PCM1: variants seen among roughly 807,000 people sequenced by gnomAD.
PCM1 encodes pericentriolar material 1 protein.
Under a neutral mutation model 241.9 loss-of-function variants are expected in PCM1, and 157 were observed. The ratio of observed to expected loss-of-function variants is 0.65; its 90% CI spans 0.57 to 0.74. The LOEUF (loss-of-function observed/expected upper bound fraction) is 0.74. Among genes scored for constraint, PCM1 ranks in the 30% least tolerant of loss-of-function variants. PCM1 has a pLI of 0.00. For missense variants in PCM1, 3,478 were observed against 2,360.1 expected (o/e 1.47, Z -9.81); for synonymous variants, 1,085 against 784.9 (o/e 1.38, Z -6.39).
Position 17,950,596 on chromosome 8 carries a change from GT to G in PCM1, c.962-17del. Reference sequence around the variant, plus strand: ...GTTTGATTATTTACATTAATCAGTAGTTACTAATTTCTTTCCAGTTGTTGCA... The same window carrying G: ...GTTTGATTATTTACATTAATCAGTAGTACTAATTTCTTTCCAGTTGTTGCA... On this transcript the variant is annotated intron_variant, in intron 7 of 38. Coordinates refer to ENST00000325083, the MANE Select transcript of PCM1 (RefSeq NM_006197.4). The G allele has an allele frequency of 8.3e-7, 1 of 1,208,706 alleles. No homozygotes were observed. The highest frequency in any genetic ancestry group is 1.2e-6 in the Non-Finnish European group (1 of 822,176). The allele number at this position is 1,208,706 out of a possible 1,614,324, so 74.9% of individuals were successfully genotyped here.
intron 9 of PCM1, among the ~76,000 whole-genome samples, chr8:17,954,792 T>TAACAGA (rs1242984605): frequency 1.3e-5 from 2 of 152,224 alleles, no homozygotes; most frequent in African/African-American, 4.8e-5. Context: ...TATTTGATAG[T>TAACAGA]AACAGAAGTT....
intron 23 of PCM1, among the ~76,000 whole-genome samples, chr8:17,979,740 C>G (rs2080046466): frequency 6.6e-6 from 1 of 151,970 alleles, no homozygotes; most frequent in Admixed American, 6.6e-5. Flanking sequence ...TTAATACATA[C>G]TTTTAATTTG....
intron 36 of PCM1, among the ~76,000 whole-genome samples, chr8:18,016,090 G>C (rs548891732): frequency 6.6e-6 from 1 of 152,036 alleles, no homozygotes; most frequent in Non-Finnish European, 1.5e-5. Context: ...GGGTTTCACC[G>C]TGTTAGCCAG....
intron 22 of PCM1, among the ~76,000 whole-genome samples, chr8:17,971,009 TAGCCATTC>T (rs2076664717): frequency 6.6e-6 from 1 of 152,216 alleles, no homozygotes; most frequent in South Asian, 2.1e-4. Context: ...GTGTTTATCA[TAGCCATTC>T]ATCTGTGACA....
chr8:18,017,568 G>A (rs1278901272), intron 36 of PCM1, among the ~76,000 whole-genome samples: 3 of 152,170 alleles, frequency 2.0e-5, no homozygotes, highest in Admixed American at 6.5e-5. Flanking sequence ...AGTTCCCAAG[G>A]CTGGGCCAGG....
At chr8:18,023,851 G>A (rs1449132784) in intron 36 of PCM1, among the ~76,000 whole-genome samples, 1 of 152,210 alleles carries the variant, frequency 6.6e-6, no homozygotes, top group Non-Finnish European at 1.5e-5. Flanking sequence ...GATGGAGGGT[G>A]CATGACTGAA....
chr8:17,991,481 G>A (rs2084610225), intron 27 of PCM1, 61 bp from the exon 28 acceptor site: 2 of 1,390,788 alleles, frequency 1.4e-6, no homozygotes, highest in South Asian at 2.7e-5. Flanking sequence ...AATGCATTTT[G>A]AGGAATATAT....
At chr8:17,931,279 C>A (rs752209346) in intron 2 of PCM1, among the ~76,000 whole-genome samples, 3 of 151,784 alleles carry the variant, frequency 2.0e-5, no homozygotes, top group Non-Finnish European at 4.4e-5. Flanking sequence ...GTAAAACATT[C>A]TTTCTCCAGA....
Position 17,989,841 on chromosome 8 carries a change from T to C in PCM1, c.4411-18T>C, listed in dbSNP as rs1393011878. ...CTTAGAAGTATTAGTGATTTTTGTT[T>C]GTTTTACTGTAACTTAGGAAACTTT... is the stretch of plus-strand genomic sequence containing the variant. On this transcript the variant is annotated intron_variant, in intron 26 of 38. Transcript: ENST00000325083. 1 of 1,493,188 alleles carries C rather than the reference T, an allele frequency of 6.7e-7. No homozygotes were observed. The highest frequency in any genetic ancestry group is 2.1e-5 in the Admixed American group (1 of 46,960). The allele number at this position is 1,493,188 out of a possible 1,614,324, so 92.5% of individuals were successfully genotyped here. A position where few individuals can be genotyped will look rare whatever the true frequency, so the allele number is the denominator to read the frequency against.
At chr8:17,941,767 A>G (rs1380658304) in intron 6 of PCM1, among the ~76,000 whole-genome samples, 4 of 152,214 alleles carry the variant, frequency 2.6e-5, no homozygotes, top group African/African-American at 9.6e-5. Flanking sequence ...GAAAGGTGAC[A>G]GACCTCAGAA....
At position 17,948,324 on chromosome 8, in the gene PCM1, A is replaced by C. The variant is rs541409460; in HGVS notation, c.961+961A>C. Among the ~76,000 whole-genome samples, 729 of 79,488 alleles carry C rather than the reference A, an allele frequency of 9.2e-3. 7 individuals are homozygous for C. The highest frequency in any genetic ancestry group is 0.038 in the African/African-American group (688 of 18,344). The allele number at this position is 79,488 out of a possible 152,430, so 52.1% of individuals were successfully genotyped here. A position where few individuals can be genotyped will look rare whatever the true frequency, so the allele number is the denominator to read the frequency against. On this transcript the variant is annotated intron_variant, in intron 7 of 38. Coordinates refer to ENST00000325083, the MANE Select transcript of PCM1 (RefSeq NM_006197.4). ...TTTTTTTTTTTTTTTTTTTTTTTGG[A>C]GACAGAGTTTTGCTCTGTTGCCCAG...
chr8:17,985,674 A>G (rs896330005), intron 25 of PCM1, 55 bp downstream of exon 25: 7 of 1,330,206 alleles, frequency 5.3e-6, no homozygotes, highest in Non-Finnish European at 7.4e-6. Flanking sequence ...CTTCATGATT[A>G]TCTCTGGTTG....
chr8:17,991,770 G>T (rs1406654687), intron 28 of PCM1, 70 bp downstream of exon 28: 1 of 1,166,200 alleles, frequency 8.6e-7, no homozygotes, highest in Non-Finnish European at 1.2e-6. Context: ...AAGTTCTTTA[G>T]TGGTGATTTC....
chr8:17,964,725 A>T lies in PCM1; in HGVS notation c.2812A>T (p.Ser938Cys). 6.2e-7 allele frequency: 1 copy of T among 1,613,894 alleles called. No homozygotes were observed. Among genetic ancestry groups the T allele is most frequent in the Non-Finnish European group, 8.5e-7 (1 of 1,179,746 alleles). Residue 938 changes from serine (S) to cysteine (C), a missense_variant, in exon 18 of 39, where the codon AGT becomes TGT. Physicochemically the swap from Ser to Cys is moderately radical, Grantham distance 112 (BLOSUM62 -1). Coordinates refer to ENST00000325083, the MANE Select transcript of PCM1 (RefSeq NM_006197.4). Reference sequence around the variant, plus strand: ...TAACTTTTCTGTGTGTCCTTCTAACAGTGTGAATCATAACTCCTACAATGG... The same window carrying T: ...TAACTTTTCTGTGTGTCCTTCTAACTGTGTGAATCATAACTCCTACAATGG... Reference protein sequence around the residue: ...NDNFSVCPSNSVNHNSYNGKE... With the variant: ...NDNFSVCPSNCVNHNSYNGKE...
In PCM1 at chr8:18,010,637, C is replaced by G. The variant is rs199509688; in HGVS notation, c.5189C>G (p.Ser1730Ter). The change falls in exon 32 of 39, where the codon TCA becomes TGA. Residue 1730 changes from serine (S) to a stop codon, truncating the protein, a stop_gained. Coordinates refer to ENST00000325083, the MANE Select transcript of PCM1 (RefSeq NM_006197.4). LOFTEE classifies it high-confidence loss of function. ...AAAAGGATTCTTGAAGATCATGGCT[C>G]ACCTGCTGGAGAGATTGATGATGAA... ...EAKRILEDHG[S>*]PAGEIDDEDK... The G allele has an allele frequency of 6.2e-7, 1 of 1,604,036 alleles. No individual in the cohort carries two copies. Among genetic ancestry groups the G allele is most frequent in the East Asian group, 2.3e-5 (1 of 44,310 alleles).
Position 17,972,388 on chromosome 8 carries a change from A to G in PCM1, c.3644A>G (p.Gln1215Arg). 6.3e-7 allele frequency: 1 copy of G among 1,599,396 alleles called. No homozygotes were observed. The highest frequency in any genetic ancestry group is 2.2e-5 in the East Asian group (1 of 44,648). Residue 1215 changes from glutamine to arginine, a missense_variant, in exon 23 of 39, where the codon CAA (glutamine) becomes CGA (arginine). Coordinates refer to ENST00000325083, the MANE Select transcript of PCM1 (RefSeq NM_006197.4). Reference sequence around the variant, plus strand: ...AGTAGGACACCATGGTTATATGAACAAGAAGGTGAAGTAGAGAAACCATTT... The same window carrying G: ...AGTAGGACACCATGGTTATATGAACGAGAAGGTGAAGTAGAGAAACCATTT... Reference protein sequence around the residue: ...ESSRTPWLYEQEGEVEKPFIK... With the variant: ...ESSRTPWLYEREGEVEKPFIK...
chr8:18,020,669 T>C (rs536632391), intron 36 of PCM1, among the ~76,000 whole-genome samples: 1 of 152,364 alleles, frequency 6.6e-6, no homozygotes, highest in East Asian at 1.9e-4. Flanking sequence ...CAAGACATGC[T>C]GTAACAACTC....
At chr8:17,991,756 G>A in intron 28 of PCM1, 56 bp downstream of exon 28, 7 of 1,306,596 alleles carry the variant, frequency 5.4e-6, no homozygotes, top group Non-Finnish European at 7.5e-6. Context: ...TTGGTTACAT[G>A]AATAAGTTCT....
chr8:17,962,902 CA>C (rs376483193), intron 16 of PCM1, 198 bp from the exon 17 acceptor site: 69,951 of 343,802 alleles, frequency 0.2, 1,829 homozygotes, highest in East Asian at 0.37. Flanking sequence ...GACTCTGTCT[CA>C]AAAAAAAAAA....
Sources: allele counts gnomAD v4.1 joint callset (sites outside exome capture counted in the v4.1 genomes callset), GRCh38; gene constraint gnomAD v4.1.1; transcripts MANE v1.5; gene names NCBI Gene and HGNC (gene_info 2026-07-23, HGNC 2026-07-21).